ZNF57: variants seen among roughly 807,000 people sequenced by gnomAD.
ZNF57 encodes the protein zinc finger protein 57.
A neutral mutation model predicts 13.4 loss-of-function variants in ZNF57; 11 were observed. That is an observed-to-expected ratio of 0.82 (90% CI 0.52 to 1.36). ZNF57 has a LOEUF of 1.36. Ranked by LOEUF, ZNF57 falls within the 40% of genes most tolerant of loss-of-function variation. The pLI, the probability that ZNF57 is intolerant of heterozygous loss-of-function variation, is 0.00. For missense variants in ZNF57, 696 were observed against 667.5 expected, an observed-to-expected ratio of 1.04 and a Z score of -0.47; for synonymous variants, 224 against 238.5, an observed-to-expected ratio of 0.94 and a Z score of 0.56.
intron 1 of ZNF57, among the ~76,000 whole-genome samples, chr19:2,912,563 G>A (rs1199489391): frequency 6.6e-6 from 1 of 152,078 alleles, no homozygotes; most frequent in African/African-American, 2.4e-5. Context: ...TCAGTTTGAG[G>A]GGGCAGAGCT....
At chr19:2,916,895 T>C in intron 3 of ZNF57, 29 bp from the exon 4 acceptor site, 1 of 1,529,746 alleles carries the variant, frequency 6.5e-7, no homozygotes, top group Middle Eastern at 1.8e-4. Context: ...AAACATACCA[T>C]ACATAAAAAT....
intron 1 of ZNF57, among the ~76,000 whole-genome samples, chr19:2,905,987 C>T (rs1035818324): frequency 4.6e-5 from 7 of 152,264 alleles, no homozygotes; most frequent in East Asian, 1.9e-4. Flanking sequence ...CCTCAGTCCG[C>T]GTGCCATCTC....
chr19:2,907,351 T>C (rs1386057611), intron 1 of ZNF57, among the ~76,000 whole-genome samples: 1 of 151,976 alleles, frequency 6.6e-6, no homozygotes, highest in South Asian at 2.1e-4. Flanking sequence ...ACCTGGAAAG[T>C]TCTGCAGCAG....
At chr19:2,903,807 C>T (rs112089615) in intron 1 of ZNF57, among the ~76,000 whole-genome samples, 1 of 151,978 alleles carries the variant, frequency 6.6e-6, no homozygotes, top group Admixed American at 6.5e-5. Flanking sequence ...CTCCGCCCTC[C>T]GGGGTTCACG....
rs2144938359 is a variant in ZNF57 at position 2,917,515 on chromosome 19, TGAG to T, written c.895_897del (p.Glu299del). On this transcript the variant is annotated inframe_deletion, in exon 4 of 4. Coordinates refer to ENST00000306908, the MANE Select transcript of ZNF57 (RefSeq NM_173480.3). ...CTTACCCCCAGGCTTTTCAAAGACA[TGAG>T]AAGACGCACACGGGAGAGAAGCCCT... 1 of 1,613,558 alleles carries T rather than the reference TGAG, an allele frequency of 6.2e-7. No homozygotes were observed. The highest frequency in any genetic ancestry group is 2.2e-5 in the East Asian group (1 of 44,858).
chr19:2,916,854 A>T, intron 3 of ZNF57, 70 bp from the exon 4 acceptor site: 1 of 1,316,668 alleles, frequency 7.6e-7, no homozygotes, highest in Non-Finnish European at 1.0e-6. Context: ...TATTTCTAAT[A>T]CTTGTTAATA....
intron 1 of ZNF57, among the ~76,000 whole-genome samples, chr19:2,902,371 G>C (rs147651397): frequency 6.6e-6 from 1 of 152,202 alleles, no homozygotes; most frequent in African/African-American, 2.4e-5. Context: ...ATAGGAAAAT[G>C]TTCAAGTGTG....
At chr19:2,912,772 A>G (rs1290048920) in intron 1 of ZNF57, among the ~76,000 whole-genome samples, 1 of 152,174 alleles carries the variant, frequency 6.6e-6, no homozygotes, top group African/African-American at 2.4e-5. Flanking sequence ...CCCACCAGCA[A>G]TGTGTGAAGA....
chr19:2,905,930 C>T (rs985962652), intron 1 of ZNF57, among the ~76,000 whole-genome samples: 7 of 152,036 alleles, frequency 4.6e-5, no homozygotes, highest in African/African-American at 1.7e-4. Context: ...GTATTCAAAC[C>T]CCAGATCGGT....
chr19:2,917,662 T>G lies in ZNF57; in HGVS notation c.1041T>G (p.Ser347=). ...KCEHCGKAFT[S]SRSFQGHLRT... ...AACACTGTGGGAAGGCTTTTACCTC[T>G]TCCAGATCATTCCAAGGTCATTTGA... The change falls in exon 4 of 4, where the codon TCT becomes TCG. Residue 347 remains serine, a synonymous_variant. Coordinates refer to ENST00000306908, the MANE Select transcript of ZNF57 (RefSeq NM_173480.3). The G allele has an allele frequency of 6.2e-7, 1 of 1,613,996 alleles. No homozygotes were observed. The highest frequency in any genetic ancestry group is 8.5e-7 in the Non-Finnish European group (1 of 1,179,982).
intron 1 of ZNF57, among the ~76,000 whole-genome samples, chr19:2,901,486 A>G (rs1302729865): frequency 6.6e-6 from 1 of 151,920 alleles, no homozygotes; most frequent in Non-Finnish European, 1.5e-5. Flanking sequence ...GAAAGGACTC[A>G]GCAAAGGGTG....
Position 2,910,491 on chromosome 19 carries a change from C to T in ZNF57, c.4-5031C>T, listed in dbSNP as rs1338785706. 1.8e-3 allele frequency among the ~76,000 whole-genome samples: 71 copies of T among 40,126 alleles called. 23 individuals are homozygous for T. The highest frequency in any genetic ancestry group is 3.3e-3 in the African/African-American group (53 of 16,030). 26.3% of individuals were successfully genotyped at this position (40,126 alleles called of 152,430 possible). ...TTTTTTTTTTTTTGAGACAGAGTCT[C>T]ACTCTGTTTCCCAGGCTGGAGTGCA... On this transcript the variant is annotated intron_variant, in intron 1 of 3. Coordinates refer to ENST00000306908, the MANE Select transcript of ZNF57 (RefSeq NM_173480.3).
rs948434716 is a variant in ZNF57, at chr19:2,901,017, G to A, written c.-29G>A. 1.3e-6 allele frequency: 2 copies of A among 1,557,174 alleles called. No individual in the cohort carries two copies. The highest frequency in any genetic ancestry group is 1.7e-6 in the Non-Finnish European group (2 of 1,149,740). On this transcript the variant is annotated 5_prime_UTR_variant, in exon 1 of 4. Transcript: ENST00000306908. ...CCGGCCGCGAGGCCACGGAGAGCTC[G>A]CCTTGGAGAGCCCAGGAGCAGGGGA...
chr19:2,916,267 G>T lies in ZNF57; in HGVS notation c.302+18G>T. On this transcript the variant is annotated intron_variant, in intron 3 of 3. Transcript: ENST00000306908. The stretch of plus-strand genomic sequence containing the variant: ...AATCTGAGGTGAGTTGCACTCACAA[G>T]AGAAAAATCCTTGTATGCAATTAAA... 6.3e-7 allele frequency: 1 copy of T among 1,577,104 alleles called. No homozygotes were observed. The highest frequency in any genetic ancestry group is 1.2e-5 in the South Asian group (1 of 85,518).
intron 1 of ZNF57, among the ~76,000 whole-genome samples, chr19:2,907,966 G>A (rs961930365): frequency 2.6e-5 from 4 of 152,090 alleles, no homozygotes; most frequent in Non-Finnish European, 4.4e-5. Context: ...TTCCTGCCTC[G>A]GCCTCCCAAA....
intron 1 of ZNF57, among the ~76,000 whole-genome samples, chr19:2,913,100 TC>T (rs2088155301): frequency 6.6e-6 from 1 of 152,096 alleles, no homozygotes; most frequent in Admixed American, 6.6e-5. Flanking sequence ...ATTACAGGCA[TC>T]CGCCACCACG....
chr19:2,913,142 C>A (rs553492154), intron 1 of ZNF57, among the ~76,000 whole-genome samples: 3 of 152,106 alleles, frequency 2.0e-5, no homozygotes, highest in East Asian at 1.9e-4. Flanking sequence ...TTAGTAGAGA[C>A]GGGGTTTCAC....
chr19:2,914,774 C>T (rs2088173745), intron 1 of ZNF57, among the ~76,000 whole-genome samples: 1 of 152,130 alleles, frequency 6.6e-6, no homozygotes, highest in Non-Finnish European at 1.5e-5. Flanking sequence ...AATATGAATA[C>T]ATGCTACATC....
At chr19:2,906,921 T>C (rs887736458) in intron 1 of ZNF57, among the ~76,000 whole-genome samples, 29 of 151,538 alleles carry the variant, frequency 1.9e-4, no homozygotes, top group Admixed American at 1.9e-3. Context: ...GGAGGCCACA[T>C]GGGAGGACAG....
Sources: gnomAD v4.1 joint callset for allele counts (sites outside exome capture counted in the v4.1 genomes callset) on GRCh38, gnomAD v4.1.1 for gene constraint, MANE v1.5 for transcripts, NCBI Gene and HGNC (gene_info 2026-07-23, HGNC 2026-07-21) for gene names.